MEF2A: variants seen among roughly 807,000 people sequenced by gnomAD.
The protein encoded by MEF2A is myocyte enhancer factor 2A, also known as myocyte-specific enhancer factor 2A.
A neutral mutation model predicts 55.8 loss-of-function variants in MEF2A; 28 were observed. That is an observed-to-expected ratio of 0.50 (90% confidence interval 0.37 to 0.69). The LOEUF (loss-of-function observed/expected upper bound fraction) is 0.69, where lower values mean the gene tolerates loss of function less well. Ranked by LOEUF, MEF2A falls within the 30% of genes least tolerant of loss-of-function variation. The pLI, the probability that MEF2A is intolerant of heterozygous loss-of-function variation, is 0.00. For synonymous variants in MEF2A, 239 were observed against 227.1 expected (o/e 1.05, Z -0.47); for missense variants, 528 against 626.2 (o/e 0.84, Z 1.67).
chr15:99,611,026 G>A (rs1977076928), intron 2 of MEF2A, among the ~76,000 whole-genome samples: 1 of 152,228 alleles, frequency 6.6e-6, no homozygotes, highest in Non-Finnish European at 1.5e-5. Flanking sequence ...TGGATCACTT[G>A]AGGTCAGGAG....
At chr15:99,567,276 TAAAC>T (rs1960071247) in intron 1 of MEF2A, among the ~76,000 whole-genome samples, 3 of 152,386 alleles carry the variant, frequency 2.0e-5, no homozygotes, top group South Asian at 2.1e-4. Flanking sequence ...TATGTATTTT[TAAAC>T]AAACATTGTC....
At chr15:99,587,172 G>A (rs1327301408) in intron 1 of MEF2A, among the ~76,000 whole-genome samples, 1 of 151,880 alleles carries the variant, frequency 6.6e-6, no homozygotes. Flanking sequence ...CCCATCATCT[G>A]CATTAGGTAT....
At chr15:99,674,858 A>G (rs368259562) in intron 6 of MEF2A, among the ~76,000 whole-genome samples, 8 of 152,314 alleles carry the variant, frequency 5.3e-5, no homozygotes, top group African/African-American at 1.7e-4. Context: ...TGGGAAAGCC[A>G]TACTTTGACA....
rs1555459496 is a variant in MEF2A, at chr15:99,617,275, T to TTG, written c.-142-15703_-142-15702insTG. On this transcript the variant is annotated intron_variant, in intron 2 of 11. Transcript: ENST00000557942. ...TATATGTGTTTGGTTTTTTTTTTTT[T>TTG]GTATGGTCTGTATTTATTTGTAAGG... is the stretch of plus-strand genomic sequence containing the variant. 6.8e-3 allele frequency among the ~76,000 whole-genome samples: 1,006 copies of TTG among 147,330 alleles called. 7 individuals are homozygous for TTG. The highest frequency in any genetic ancestry group is 0.016 in the African/African-American group (644 of 40,790).
chr15:99,651,796 A>C (rs915796308), intron 4 of MEF2A, among the ~76,000 whole-genome samples: 2 of 152,198 alleles, frequency 1.3e-5, no homozygotes, highest in African/African-American at 4.8e-5. Flanking sequence ...ACACGTCTCT[A>C]AGTGTGGTTT....
intron 2 of MEF2A, among the ~76,000 whole-genome samples, chr15:99,602,069 A>G (rs932296837): frequency 1.7e-4 from 26 of 152,152 alleles, no homozygotes; most frequent in Non-Finnish European, 3.2e-4. Flanking sequence ...CTCAGAAGAA[A>G]GAATTCAACT....
At chr15:99,622,576 A>G (rs1016471325) in intron 2 of MEF2A, among the ~76,000 whole-genome samples, 1 of 152,192 alleles carries the variant, frequency 6.6e-6, no homozygotes, top group African/African-American at 2.4e-5. Flanking sequence ...TGAAATTTGT[A>G]AAACATACTT....
At chr15:99,647,884 T>A (rs1220701894) in intron 4 of MEF2A, among the ~76,000 whole-genome samples, 1 of 152,184 alleles carries the variant, frequency 6.6e-6, no homozygotes, top group Non-Finnish European at 1.5e-5. Flanking sequence ...ACACTTCTTG[T>A]ATATTAATGT....
chr15:99,664,854 G>T (rs1475094262), intron 4 of MEF2A, among the ~76,000 whole-genome samples: 2 of 152,200 alleles, frequency 1.3e-5, no homozygotes, highest in Non-Finnish European at 2.9e-5. Context: ...AGATTTGGAT[G>T]AAGGCATAAA....
intron 1 of MEF2A, among the ~76,000 whole-genome samples, chr15:99,590,501 ATAGT>A (rs1315328142): frequency 2.0e-5 from 3 of 150,570 alleles, no homozygotes; most frequent in Non-Finnish European, 4.4e-5. Flanking sequence ...AATTATTGAT[ATAGT>A]TAGATTTAAG....
chr15:99,570,880 T>G (rs554334829), intron 1 of MEF2A, among the ~76,000 whole-genome samples: 1 of 151,900 alleles, frequency 6.6e-6, no homozygotes, highest in Admixed American at 6.6e-5. Flanking sequence ...GATAGAAGAT[T>G]GGCCTGTAAA....
intron 11 of MEF2A, among the ~76,000 whole-genome samples, chr15:99,711,644 C>T (rs1272790755): frequency 6.6e-6 from 1 of 152,194 alleles, no homozygotes; most frequent in East Asian, 1.9e-4. Context: ...CCAGGAAGTC[C>T]CCAGAGAGCC....
At chr15:99,604,790 G>C (rs1014829998) in intron 2 of MEF2A, among the ~76,000 whole-genome samples, 1 of 150,530 alleles carries the variant, frequency 6.6e-6, no homozygotes, top group Non-Finnish European at 1.5e-5. Flanking sequence ...GAATCTTTTT[G>C]TTTAAGCTTG....
At chr15:99,657,370 A>G (rs942626217) in intron 4 of MEF2A, 1 of 152,018 alleles carries the variant, frequency 6.6e-6, no homozygotes, top group Non-Finnish European at 1.5e-5. Context: ...ATATTATTAG[A>G]AAATGGTTGA....
rs986392856 is a variant in MEF2A at position 99,690,733 on chromosome 15, A to C, written c.858+305A>C. On this transcript the variant is annotated intron_variant, in intron 8 of 11. Coordinates refer to ENST00000557942, the MANE Select transcript of MEF2A (RefSeq NM_001319206.4). ...AGATAGATACTGCAAGGTCTCACTC[A>C]TGTGGGACCTAAAAAAATTGGTCTT... The C allele has an allele frequency of 1.9e-5, 9 of 477,054 alleles. No homozygotes were observed. The East Asian group carries it at 5.2e-4, about 28-fold the overall frequency. 29.6% of individuals were successfully genotyped at this position (477,054 alleles called of 1,614,324 possible).
intron 4 of MEF2A, among the ~76,000 whole-genome samples, chr15:99,654,832 G>A (rs1326167780): frequency 2.6e-5 from 4 of 152,142 alleles, no homozygotes; most frequent in South Asian, 4.1e-4. Flanking sequence ...TTAACTATGT[G>A]TAGTTATTGA....
At chr15:99,692,911 G>A (rs561686659) in intron 8 of MEF2A, among the ~76,000 whole-genome samples, 1 of 152,322 alleles carries the variant, frequency 6.6e-6, no homozygotes, top group Non-Finnish European at 1.5e-5. Context: ...TGAAGGAACA[G>A]GAAGACATGC....
chr15:99,581,538 T>G (rs1040787907), intron 1 of MEF2A, among the ~76,000 whole-genome samples: 1 of 152,150 alleles, frequency 6.6e-6, no homozygotes, highest in African/African-American at 2.4e-5. Context: ...GTGTTTTTCT[T>G]TCAACTGGTG....
chr15:99,565,900 C>A (rs1223369502), upstream of MEF2A: 3 of 153,038 alleles, frequency 2.0e-5, no homozygotes, highest in Non-Finnish European at 2.9e-5. Context: ...GACACCGAGG[C>A]GGCGGAGGTA....
Sources: gnomAD v4.1 joint callset for allele counts (sites outside exome capture counted in the v4.1 genomes callset) on GRCh38, gnomAD v4.1.1 for gene constraint, MANE v1.5 for transcripts, NCBI Gene and HGNC (gene_info 2026-07-23, HGNC 2026-07-21) for gene names.